CELF4: variants seen among roughly 807,000 people sequenced by gnomAD.
The protein encoded by CELF4 is CUG-BP- and ETR-3-like factor 4.
CELF4 carries 18 observed loss-of-function variants against 59.9 expected under a neutral mutation model. The observed-to-expected ratio is 0.30, with a 90% confidence interval of 0.21 to 0.45. CELF4 has a LOEUF of 0.45. Ranked by LOEUF, CELF4 falls within the 20% of genes least tolerant of loss-of-function variation. CELF4 has a pLI of 1.00. For missense variants in CELF4, 456 were observed against 689.0 expected, an observed-to-expected ratio of 0.66 and a Z score of 3.79; for synonymous variants, 261 against 267.1, an observed-to-expected ratio of 0.98 and a Z score of 0.22.
At chr18:37,272,138 G>C (rs2091549292) in intron 7 of CELF4, among the ~76,000 whole-genome samples, 1 of 152,208 alleles carries the variant, frequency 6.6e-6, no homozygotes, top group African/African-American at 2.4e-5. Context: ...TGGGCACAGA[G>C]AGCCAAGGAA....
intron 3 of CELF4, among the ~76,000 whole-genome samples, chr18:37,298,071 C>T (rs563595516): frequency 2.0e-4 from 30 of 152,310 alleles, no homozygotes; most frequent in African/African-American, 5.1e-4. Context: ...CTCAGCTCCA[C>T]GAATGGGCTA....
At chr18:37,319,287 A>G (rs542675371) in intron 3 of CELF4, among the ~76,000 whole-genome samples, 4 of 152,226 alleles carry the variant, frequency 2.6e-5, no homozygotes, top group Non-Finnish European at 5.9e-5. Flanking sequence ...AGCAGGCAGC[A>G]CAAACCACAT....
Position 37,254,307 on chromosome 18 carries a change from G to C in CELF4, c.1334-369C>G, listed in dbSNP as rs1187639612. On this transcript the variant is annotated intron_variant, in intron 11 of 12. Transcript: ENST00000420428. The surrounding 1 kb of genome is among the most constrained non-coding windows in gnomAD (Gnocchi z 5.1). The stretch of plus-strand genomic sequence containing the variant: ...TCGGCGGGAGAGGGCGGACACACCT[G>C]CGGGTGGAGGAGTTTATTGGACACT... Among the ~76,000 whole-genome samples the C allele has an allele frequency of 6.6e-6, 1 of 151,722 alleles. No individual in the cohort carries two copies. The highest frequency in any genetic ancestry group is 1.5e-5 in the Non-Finnish European group (1 of 67,870).
chr18:37,259,779 C>G (rs1238776028), intron 10 of CELF4, among the ~76,000 whole-genome samples: 2 of 152,188 alleles, frequency 1.3e-5, no homozygotes, highest in Non-Finnish European at 2.9e-5. Flanking sequence ...TCCCCCTGGC[C>G]TGCAGCCTCT....
intron 2 of CELF4, among the ~76,000 whole-genome samples, chr18:37,428,518 A>T (rs1327474663): frequency 6.6e-6 from 1 of 152,218 alleles, no homozygotes; most frequent in African/African-American, 2.4e-5. Flanking sequence ...GTCACTCCAC[A>T]GTAGCTGCAT....
chr18:37,493,238 C>T (rs1025948004), intron 1 of CELF4, among the ~76,000 whole-genome samples: 1 of 152,188 alleles, frequency 6.6e-6, no homozygotes, highest in Non-Finnish European at 1.5e-5. Flanking sequence ...CCTTTAGAGC[C>T]CACGTAACTT....
intron 2 of CELF4, among the ~76,000 whole-genome samples, chr18:37,335,482 AGT>A (rs55853220): frequency 0.044 from 6,290 of 143,384 alleles, 322 homozygotes; most frequent in African/African-American, 0.13. Context: ...CAGTGCATGC[AGT>A]GTGTGTGTGT....
intron 10 of CELF4, among the ~76,000 whole-genome samples, chr18:37,259,635 G>C (rs1260517540): frequency 6.6e-6 from 1 of 152,128 alleles, no homozygotes. Flanking sequence ...GATCCGGGAG[G>C]CCTCCCTCCT....
intron 2 of CELF4, among the ~76,000 whole-genome samples, chr18:37,403,369 G>T (rs1238844756): frequency 1.3e-5 from 2 of 152,168 alleles, no homozygotes; most frequent in African/African-American, 4.8e-5. Context: ...CAAATGAGGG[G>T]AATGTTTAAA....
At chr18:37,543,092 C>T (rs1603643792) in intron 1 of CELF4, among the ~76,000 whole-genome samples, 1 of 152,280 alleles carries the variant, frequency 6.6e-6, no homozygotes, top group Non-Finnish European at 1.5e-5. Context: ...CCCATGCCTT[C>T]CCATCCCCAG....
chr18:37,485,647 G>T, intron 1 of CELF4, 40 bp from the exon 2 acceptor site: 2 of 1,299,912 alleles, frequency 1.5e-6, no homozygotes, highest in Non-Finnish European at 2.0e-6. Context: ...TCAGTGGGGC[G>T]CCCCCGGGCC....
At chr18:37,400,771 T>C (rs1384559194) in intron 2 of CELF4, among the ~76,000 whole-genome samples, 2 of 152,234 alleles carry the variant, frequency 1.3e-5, no homozygotes, top group Admixed American at 1.3e-4. Context: ...TTTGAGAAAT[T>C]TGACTGGTGT....
intron 2 of CELF4, among the ~76,000 whole-genome samples, chr18:37,366,432 C>T (rs1410449731): frequency 6.6e-6 from 1 of 152,180 alleles, no homozygotes; most frequent in Non-Finnish European, 1.5e-5. Context: ...GCTCCTATTC[C>T]ATTTTTGCAA....
intron 1 of CELF4, among the ~76,000 whole-genome samples, chr18:37,493,079 T>C (rs1299320435): frequency 6.6e-6 from 1 of 152,192 alleles, no homozygotes; most frequent in Admixed American, 6.5e-5. Flanking sequence ...ATTCCAACAA[T>C]TCCTGCAGTT....
chr18:37,333,141 G>A (rs1432701367), intron 2 of CELF4, among the ~76,000 whole-genome samples: 1 of 152,228 alleles, frequency 6.6e-6, no homozygotes, highest in East Asian at 1.9e-4. Context: ...TTCGGTCTTA[G>A]CTCTGCCATA....
At chr18:37,486,858 T>A (rs2099882330) in intron 1 of CELF4, among the ~76,000 whole-genome samples, 1 of 152,218 alleles carries the variant, frequency 6.6e-6, no homozygotes, top group Non-Finnish European at 1.5e-5. Flanking sequence ...TATACCCCTC[T>A]TCCCCATGTT....
At chr18:37,438,797 G>A (rs941631884) in intron 2 of CELF4, among the ~76,000 whole-genome samples, 4 of 152,122 alleles carry the variant, frequency 2.6e-5, no homozygotes, top group Admixed American at 6.5e-5. Context: ...AGCCGCGGGT[G>A]TAATTTATAC....
At position 37,253,550 on chromosome 18, in the gene CELF4, CT is replaced by C. The variant is rs547433144; in HGVS notation, c.*44+216del. 2.7e-4 allele frequency among the ~76,000 whole-genome samples: 41 copies of C among 152,336 alleles called. No individual in the cohort carries two copies. Among genetic ancestry groups the C allele is most frequent in the African/African-American group, 9.9e-4 (41 of 41,596 alleles). ...CGGAGTGGCTCCCTCACTCCTGCCC[CT>C]GGTGGCCCTGCCACAGGGAAATGGC... On this transcript the variant is annotated intron_variant, in intron 12 of 12. Transcript: ENST00000420428. This position sits in a 1 kb window ranked among gnomAD's most constrained non-coding sequence, Gnocchi z 4.5.
At chr18:37,323,734 C>T (rs2097203312) in intron 2 of CELF4, among the ~76,000 whole-genome samples, 1 of 152,204 alleles carries the variant, frequency 6.6e-6, no homozygotes, top group South Asian at 2.1e-4. Context: ...CTCTCTTGGA[C>T]AGATTTCTAC....
Sources: allele counts gnomAD v4.1 joint callset (sites outside exome capture counted in the v4.1 genomes callset), GRCh38; gene constraint gnomAD v4.1.1; non-coding constraint Gnocchi (gnomAD v3.1); transcripts MANE v1.5; gene names NCBI Gene and HGNC (gene_info 2026-07-23, HGNC 2026-07-21).